The following C6orf141 variants were observed in gnomAD, a reference collection of about 807,000 sequenced individuals.
C6orf141 encodes uncharacterized protein C6orf141.
For synonymous variants in C6orf141, 164 were observed against 140.5 expected (o/e 1.17, Z -1.18); for missense variants, 361 against 335.8 (o/e 1.07, Z -0.59).
chr6:49,552,825 G>A (rs1401875503), downstream of C6orf141, among the ~76,000 whole-genome samples: 1 of 152,236 alleles, frequency 6.6e-6, no homozygotes, highest in Non-Finnish European at 1.5e-5. Flanking sequence ...TGAAGAATGT[G>A]ATAATCTCCC....
chr6:49,557,150 G>T (rs1031163255), intron 4 of C6orf141, among the ~76,000 whole-genome samples: 14 of 152,166 alleles, frequency 9.2e-5, no homozygotes, highest in African/African-American at 2.7e-4. Flanking sequence ...TACTCAGGAG[G>T]CTGAGGCAGG....
chr6:49,555,339 T>G (rs952064579), downstream of C6orf141: 1 of 152,146 alleles, frequency 6.6e-6, no homozygotes, highest in Non-Finnish European at 1.5e-5. Flanking sequence ...TTGTATACAC[T>G]GCATAAAAAT....
downstream of C6orf141, chr6:49,552,914 G>C (rs1770967649): frequency 6.6e-6 from 1 of 152,170 alleles, no homozygotes; most frequent in African/African-American, 2.4e-5. Context: ...GGATATCCTA[G>C]GTTTTCTTTC....
At position 49,551,644 on chromosome 6, in the gene C6orf141, G is replaced by T; in HGVS notation, c.*117G>T. The stretch of plus-strand genomic sequence containing the variant: ...ACAGAAGGAACCTTTTGAGAGGCTG[G>T]TGCAGCGCTTCGGGGAGGCAGATTA... On this transcript the variant is annotated 3_prime_UTR_variant, in exon 1 of 1. Transcript: ENST00000529246. The T allele has an allele frequency of 6.7e-7, 1 of 1,484,480 alleles. No homozygotes were observed. Among genetic ancestry groups the T allele is most frequent in the Non-Finnish European group, 8.9e-7 (1 of 1,121,148 alleles). The allele number at this position is 1,484,480 out of a possible 1,614,324, so 92.0% of individuals were successfully genotyped here. A position where few individuals can be genotyped will look rare whatever the true frequency, so the allele number is the denominator to read the frequency against.
At chr6:49,559,678 G>A (rs1772880696) in intron 4 of C6orf141, among the ~76,000 whole-genome samples, 2 of 152,060 alleles carry the variant, frequency 1.3e-5, no homozygotes, top group Non-Finnish European at 1.5e-5. Flanking sequence ...TTGTGACTTT[G>A]AGCTTATTTG....
chr6:49,552,786 C>A (rs914504516), downstream of C6orf141, among the ~76,000 whole-genome samples: 2 of 152,232 alleles, frequency 1.3e-5, no homozygotes, highest in Non-Finnish European at 2.9e-5. Flanking sequence ...AGTCACACAG[C>A]TAGTAATTGC....
At chr6:49,554,939 A>G (rs1234517545), downstream of C6orf141, 1 of 152,232 alleles carries the variant, frequency 6.6e-6, no homozygotes, top group Non-Finnish European at 1.5e-5. Context: ...TCCCGTTTAC[A>G]AATGTCCTGG....
At chr6:49,560,325 A>T (rs1357630205) in intron 4 of C6orf141, among the ~76,000 whole-genome samples, 2 of 152,008 alleles carry the variant, frequency 1.3e-5, no homozygotes, top group Non-Finnish European at 1.5e-5. Context: ...AAAAAAAAAG[A>T]AAAGAAAGAG....
chr6:49,555,048 A>C (rs1771533887), downstream of C6orf141: 1 of 152,176 alleles, frequency 6.6e-6, no homozygotes, highest in Admixed American at 6.5e-5. Flanking sequence ...TCCTCTGAAA[A>C]ACATGATTAT....
rs147924675 is a variant in C6orf141, at chr6:49,551,406, A to G, written c.614A>G (p.Glu205Gly). The change falls in exon 1 of 1, where the codon GAA becomes GGA. Residue 205 changes from glutamate (E) to glycine (G), a missense_variant. Glu to Gly is a moderately conservative substitution (Grantham distance 98). Transcript: ENST00000529246. ...AGCAGTAGAGAGGGACAGCCTGGGG[A>G]ACGCTGGGGCCCTGCTGAATCCCGG... ...FRSSREGQPGERWGPAESRAL... is the reference protein window; with the variant it reads ...FRSSREGQPGGRWGPAESRAL... 472 of 1,551,566 alleles carry G rather than the reference A, an allele frequency of 3.0e-4. No individual in the cohort carries two copies. The African/African-American group carries it at 5.7e-3, about 19-fold the overall frequency.
At chr6:49,561,546 C>T (rs1773318013) in intron 4 of C6orf141, among the ~76,000 whole-genome samples, 2 of 152,186 alleles carry the variant, frequency 1.3e-5, no homozygotes, top group African/African-American at 2.4e-5. Flanking sequence ...TACTTCTATC[C>T]TGCCATTATA....
chr6:49,554,503 C>T (rs1220238766), downstream of C6orf141, among the ~76,000 whole-genome samples: 2 of 152,064 alleles, frequency 1.3e-5, no homozygotes, highest in Non-Finnish European at 2.9e-5. Flanking sequence ...GCCTCAGCCT[C>T]CTGAGTAGCT....
downstream of C6orf141, among the ~76,000 whole-genome samples, chr6:49,556,121 G>A (rs1174268985): frequency 2.0e-5 from 3 of 152,180 alleles, no homozygotes; most frequent in Admixed American, 6.6e-5. Flanking sequence ...TAGAAAAGTA[G>A]AATCTCAGGC....
chr6:49,556,770 A>G (rs532059907), downstream of C6orf141, among the ~76,000 whole-genome samples: 20 of 152,284 alleles, frequency 1.3e-4, no homozygotes, highest in South Asian at 6.2e-4. Context: ...TTTGCTCTGT[A>G]ATTAGGGAGG....
At chr6:49,557,286 C>A (rs1477278316) in intron 4 of C6orf141, among the ~76,000 whole-genome samples, 2 of 152,054 alleles carry the variant, frequency 1.3e-5, no homozygotes, top group Admixed American at 1.3e-4. Context: ...ATAAACAGAA[C>A]AAGAGTATTT....
chr6:49,557,944 G>A (rs909706825), intron 4 of C6orf141, among the ~76,000 whole-genome samples: 1 of 151,884 alleles, frequency 6.6e-6, no homozygotes, highest in African/African-American at 2.4e-5. Context: ...CAGGCTGGAG[G>A]GCAGAGGCGC....
Position 49,551,180 on chromosome 6 carries a change from T to C in C6orf141, c.388T>C (p.Tyr130His). The change falls in exon 1 of 1, where the codon TAC becomes CAC. Residue 130 changes from tyrosine (Y) to histidine (H), a missense_variant. Coordinates refer to ENST00000529246, the MANE Select transcript of C6orf141 (RefSeq NM_001145652.2). ...GGEDHGEEPN[Y>H]PSVFQRQKRI... is the part of the protein sequence containing the mutation. The stretch of plus-strand genomic sequence containing the variant: ...AGAGGACCACGGCGAGGAGCCCAAC[T>C]ACCCTTCTGTCTTTCAACGACAAAA... 1 of 1,551,526 alleles carries C rather than the reference T, an allele frequency of 6.4e-7. No individual in the cohort carries two copies. The highest frequency in any genetic ancestry group is 8.7e-7 in the Non-Finnish European group (1 of 1,146,924).
In C6orf141 at chr6:49,551,676, G is replaced by A; in HGVS notation, c.*149G>A. ...GCTTCGGGGAGGCAGATTAAGAACT[G>A]TAAGCAGCATAATACCTCCTTTGTG... On this transcript the variant is annotated 3_prime_UTR_variant, in exon 1 of 1. Coordinates refer to ENST00000529246, the MANE Select transcript of C6orf141 (RefSeq NM_001145652.2). The A allele has an allele frequency of 6.8e-7, 1 of 1,461,968 alleles. No individual in the cohort carries two copies. Among genetic ancestry groups the A allele is most frequent in the African/African-American group, 1.4e-5 (1 of 69,956 alleles). The allele number at this position is 1,461,968 out of a possible 1,614,324, so 90.6% of individuals were successfully genotyped here.
rs1010871386 is a variant in C6orf141, at chr6:49,551,633, T to C, written c.*106T>C. 4.7e-6 allele frequency: 7 copies of C among 1,496,610 alleles called. No homozygotes were observed. The highest frequency in any genetic ancestry group is 5.3e-6 in the Non-Finnish European group (6 of 1,126,770). The allele number at this position is 1,496,610 out of a possible 1,614,324, so 92.7% of individuals were successfully genotyped here. On this transcript the variant is annotated 3_prime_UTR_variant, in exon 1 of 1. Transcript: ENST00000529246. ...GCAATTAACCTACAGAAGGAACCTT[T>C]TGAGAGGCTGGTGCAGCGCTTCGGG...
Sources: gnomAD v4.1 joint callset for allele counts (sites outside exome capture counted in the v4.1 genomes callset) on GRCh38, gnomAD v4.1.1 for gene constraint, MANE v1.5 for transcripts, NCBI Gene and HGNC (gene_info 2026-07-23, HGNC 2026-07-21) for gene names.